Variants in ZFAND3 observed in about 807,000 individuals in gnomAD.
ZFAND3 encodes the protein AN1-type zinc finger protein 3.
Under a neutral mutation model 29.6 loss-of-function variants are expected in ZFAND3, and 10 were observed. The ratio of observed to expected loss-of-function variants is 0.34; its 90% CI spans 0.21 to 0.57. The LOEUF (loss-of-function observed/expected upper bound fraction) is 0.57, where lower values mean the gene tolerates loss of function less well. Among genes scored for constraint, ZFAND3 ranks in the 20% least tolerant of loss-of-function variants. The pLI is 0.86. For synonymous variants in ZFAND3, 128 were observed against 112.6 expected (o/e 1.14, Z -0.87); for missense variants, 230 against 304.5 (o/e 0.76, Z 1.82).
chr6:37,873,501 A>T (rs1764736081), intron 1 of ZFAND3, among the ~76,000 whole-genome samples: 1 of 152,186 alleles, frequency 6.6e-6, no homozygotes, highest in Non-Finnish European at 1.5e-5. Context: ...TGAGAGTTGT[A>T]TGAGGTATTT....
intron 1 of ZFAND3, among the ~76,000 whole-genome samples, chr6:37,926,030 C>T: frequency 6.6e-6 from 1 of 152,128 alleles, no homozygotes. Context: ...TTCTGGACCT[C>T]CAGTTAAGGG....
chr6:37,908,743 G>GAAAA (rs202057469), intron 1 of ZFAND3, among the ~76,000 whole-genome samples: 2 of 97,270 alleles, frequency 2.1e-5, no homozygotes, highest in African/African-American at 7.1e-5. Flanking sequence ...AATTTTCAAA[G>GAAAA]AAAAAAAAAA....
chr6:38,072,505 AG>A (rs1736521120), intron 3 of ZFAND3, among the ~76,000 whole-genome samples: 1 of 152,214 alleles, frequency 6.6e-6, no homozygotes, highest in South Asian at 2.1e-4. Flanking sequence ...GTGAAAGTAA[AG>A]GTCATGTAAA....
At position 38,092,939 on chromosome 6, in the gene ZFAND3, T is replaced by G. The variant is rs868680992; in HGVS notation, c.361+10482T>G. Reference sequence around the variant, plus strand: ...CCTCAAAACTAACCTATCAGGAGACTTCCTACTGTTAGAGATATTGTAGTT... The same window carrying G: ...CCTCAAAACTAACCTATCAGGAGACGTCCTACTGTTAGAGATATTGTAGTT... On this transcript the variant is annotated intron_variant, in intron 4 of 5. Transcript: ENST00000287218. 1.1e-4 allele frequency among the ~76,000 whole-genome samples: 16 copies of G among 152,318 alleles called. 1 individual carries two copies. The South Asian group carries it at 3.3e-3, about 32-fold the overall frequency.
At chr6:37,862,537 AAGC>A (rs950054914) in intron 1 of ZFAND3, among the ~76,000 whole-genome samples, 2 of 151,632 alleles carry the variant, frequency 1.3e-5, no homozygotes, top group African/African-American at 4.8e-5. Flanking sequence ...AAAAAAGAAA[AAGC>A]AGGCATGGTG....
intron 4 of ZFAND3, among the ~76,000 whole-genome samples, chr6:38,112,392 C>T (rs1765337544): frequency 6.6e-6 from 1 of 152,228 alleles, no homozygotes; most frequent in Non-Finnish European, 1.5e-5. Flanking sequence ...CACGGGAGTT[C>T]CTCCTGCTAC....
chr6:37,984,319 C>T (rs1762629208), intron 2 of ZFAND3, among the ~76,000 whole-genome samples: 2 of 152,198 alleles, frequency 1.3e-5, no homozygotes, highest in Admixed American at 1.3e-4. Flanking sequence ...AAAATTGAGT[C>T]AGATGAACTA....
At chr6:37,984,266 A>G (rs929557557) in intron 2 of ZFAND3, among the ~76,000 whole-genome samples, 2 of 147,590 alleles carry the variant, frequency 1.4e-5, no homozygotes, top group African/African-American at 4.9e-5. Flanking sequence ...TGAAATGCCA[A>G]TTCTTACAAT....
chr6:37,922,262 C>T lies in ZFAND3; in HGVS notation c.72-7697C>T, dbSNP rs145360516. Among the ~76,000 whole-genome samples the T allele has an allele frequency of 2.8e-3, 419 of 151,386 alleles. 2 individuals are homozygous for T. Among genetic ancestry groups the T allele is most frequent in the African/African-American group, 9.7e-3 (400 of 41,208 alleles). Reference sequence around the variant, plus strand: ...AGATTTATGATTAAAGATTTAAGTCCAAAAATGCTCATTATAGCAATATTT... The same window carrying T: ...AGATTTATGATTAAAGATTTAAGTCTAAAAATGCTCATTATAGCAATATTT... On this transcript the variant is annotated intron_variant, in intron 1 of 5. Coordinates refer to ENST00000287218, the MANE Select transcript of ZFAND3 (RefSeq NM_021943.3).
In ZFAND3 at chr6:38,082,382, C is replaced by G; in HGVS notation, c.296-10C>G. ...TGTCCTGACTGATGCACCTGCCTTT[C>G]TGTTTCTAGGTGGGCCATGCACAGA... On this transcript the variant is annotated splice_polypyrimidine_tract_variant and intron_variant, in intron 3 of 5. Coordinates refer to ENST00000287218, the MANE Select transcript of ZFAND3 (RefSeq NM_021943.3). The G allele has an allele frequency of 6.2e-7, 1 of 1,610,582 alleles. No individual in the cohort carries two copies. Among genetic ancestry groups the G allele is most frequent in the Non-Finnish European group, 8.5e-7 (1 of 1,178,256 alleles).
At chr6:37,991,540 A>T (rs1762758944) in intron 2 of ZFAND3, among the ~76,000 whole-genome samples, 1 of 152,008 alleles carries the variant, frequency 6.6e-6, no homozygotes, top group Non-Finnish European at 1.5e-5. Context: ...TTTAGTAGAA[A>T]TGGGGTTTTA....
chr6:37,992,176 C>T (rs1472788591), intron 2 of ZFAND3, among the ~76,000 whole-genome samples: 1 of 152,130 alleles, frequency 6.6e-6, no homozygotes, highest in Non-Finnish European at 1.5e-5. Context: ...GAAGGGCTCT[C>T]TTTTGAATTT....
intron 2 of ZFAND3, among the ~76,000 whole-genome samples, chr6:38,037,573 C>T (rs916668452): frequency 3.3e-5 from 5 of 152,166 alleles, no homozygotes. Flanking sequence ...CATCAGCTAA[C>T]AGGTAAAAGG....
intron 2 of ZFAND3, among the ~76,000 whole-genome samples, chr6:37,947,294 A>G (rs551092185): frequency 1.3e-5 from 2 of 152,336 alleles, no homozygotes; most frequent in East Asian, 3.9e-4. Flanking sequence ...AGATTTAAAA[A>G]CAATTTAATT....
chr6:38,074,406 A>G (rs1395661463), intron 3 of ZFAND3, among the ~76,000 whole-genome samples: 1 of 152,230 alleles, frequency 6.6e-6, no homozygotes, highest in Non-Finnish European at 1.5e-5. Flanking sequence ...TGGGATAAAT[A>G]TCAATGATGT....
intron 2 of ZFAND3, among the ~76,000 whole-genome samples, chr6:37,952,794 A>G (rs768280257): frequency 6.6e-5 from 10 of 151,568 alleles, no homozygotes; most frequent in Non-Finnish European, 1.5e-4. Flanking sequence ...AGCCCCATGC[A>G]GGGTTCCCAG....
intron 4 of ZFAND3, among the ~76,000 whole-genome samples, chr6:38,096,180 C>A (rs1481406767): frequency 6.6e-6 from 1 of 151,806 alleles, no homozygotes; most frequent in Admixed American, 6.6e-5. Flanking sequence ...TGTTGTCCCC[C>A]CCAACCCCCC....
At chr6:37,993,551 TCC>T (rs1380194896) in intron 2 of ZFAND3, among the ~76,000 whole-genome samples, 35 of 152,284 alleles carry the variant, frequency 2.3e-4, no homozygotes, top group African/African-American at 8.4e-4. Flanking sequence ...GGTCTTGAAC[TCC>T]TGACCTCAAG....
chr6:37,830,300 G>T (rs1341011032), intron 1 of ZFAND3, among the ~76,000 whole-genome samples: 3 of 152,172 alleles, frequency 2.0e-5, no homozygotes, highest in Non-Finnish European at 4.4e-5. Flanking sequence ...AGAATGGTGG[G>T]ATTATAATTG....
Sources: allele counts gnomAD v4.1 joint callset (sites outside exome capture counted in the v4.1 genomes callset), GRCh38; gene constraint gnomAD v4.1.1; transcripts MANE v1.5; gene names NCBI Gene and HGNC (gene_info 2026-07-23, HGNC 2026-07-21).